STAG1: variants seen among roughly 807,000 people sequenced by gnomAD.
STAG1 encodes the protein cohesin subunit SA-1.
A neutral mutation model predicts 170.9 loss-of-function variants in STAG1; 26 were observed. The ratio of observed to expected loss-of-function variants is 0.15; its 90% CI spans 0.11 to 0.21. The LOEUF (loss-of-function observed/expected upper bound fraction) is 0.21. STAG1 is among the 10% of genes least tolerant of loss of function. STAG1 has a pLI of 1.00. For missense variants in STAG1, 964 were observed against 1,509.5 expected (o/e 0.64, Z 5.99); for synonymous variants, 514 against 497.7 (o/e 1.03, Z -0.44).
At position 136,572,655 on chromosome 3, in the gene STAG1, A is replaced by AAAAT. The variant is rs541040820; in HGVS notation, c.298-3798_298-3795dup. Reference sequence around the variant, plus strand: ...AGTAAGAGAACAAAGTACAGAAATAAAAATAAATAATAGCCCTTTGCATTA... The same window carrying AAAAT: ...AGTAAGAGAACAAAGTACAGAAATAAAAATAAATAAATAATAGCCCTTTGCATTA... On this transcript the variant is annotated intron_variant, in intron 4 of 33. Transcript: ENST00000383202. Among the ~76,000 whole-genome samples, 27 of 152,016 alleles carry AAAAT rather than the reference A, an allele frequency of 1.8e-4. No homozygotes were observed. In the South Asian group the frequency reaches 5.6e-3, roughly 31 times the overall value.
chr3:136,454,600 G>A (rs1485611087), intron 13 of STAG1, among the ~76,000 whole-genome samples: 5 of 151,814 alleles, frequency 3.3e-5, no homozygotes, highest in Non-Finnish European at 4.4e-5. Flanking sequence ...GGCTGATCTC[G>A]AACTCCTGAC....
At chr3:136,614,642 G>GTATCTACA (rs1939490080) in intron 3 of STAG1, among the ~76,000 whole-genome samples, 1 of 152,136 alleles carries the variant, frequency 6.6e-6, no homozygotes, top group Non-Finnish European at 1.5e-5. Context: ...ATTTAAATGT[G>GTATCTACA]TATCTACATT....
At chr3:136,487,601 C>T (rs2090043087) in intron 9 of STAG1, among the ~76,000 whole-genome samples, 2 of 152,194 alleles carry the variant, frequency 1.3e-5, no homozygotes, top group South Asian at 4.1e-4. Context: ...TCTTTGGGTT[C>T]TAGTGCTCCA....
chr3:136,636,354 AAATTAT>A (rs1490567698), intron 1 of STAG1, among the ~76,000 whole-genome samples: 1 of 152,186 alleles, frequency 6.6e-6, no homozygotes, highest in Non-Finnish European at 1.5e-5. Context: ...AGCAAATCAA[AAATTAT>A]AATTATGACA....
chr3:136,632,935 GT>G (rs1940389397), intron 1 of STAG1, among the ~76,000 whole-genome samples: 1 of 151,936 alleles, frequency 6.6e-6, no homozygotes, highest in African/African-American at 2.4e-5. Flanking sequence ...AATCTATCAG[GT>G]TACTGGTTTG....
Sources: gnomAD v4.1 joint callset for allele counts (sites outside exome capture counted in the v4.1 genomes callset) on GRCh38, gnomAD v4.1.1 for gene constraint, MANE v1.5 for transcripts, NCBI Gene and HGNC (gene_info 2026-07-23, HGNC 2026-07-21) for gene names.